Variants in ZNF827 observed in about 807,000 individuals in gnomAD.
The protein encoded by ZNF827 is zinc finger protein 827.
In ZNF827, 13 loss-of-function variants were observed where a neutral mutation model predicts 102.4. The ratio of observed to expected loss-of-function variants is 0.13; its 90% confidence interval spans 0.08 to 0.20. The LOEUF (loss-of-function observed/expected upper bound fraction) is 0.20, where lower values mean the gene tolerates loss of function less well. Ranked by LOEUF, ZNF827 falls within the 10% of genes least tolerant of loss-of-function variation. The pLI is 1.00. For synonymous variants in ZNF827, 523 were observed against 536.2 expected (o/e 0.98, Z 0.34); for missense variants, 1,103 against 1,344.4 (o/e 0.82, Z 2.81).
chr4:145,918,530 G>A (rs985827455), intron 1 of ZNF827, among the ~76,000 whole-genome samples: 3 of 146,378 alleles, frequency 2.0e-5, no homozygotes, highest in African/African-American at 2.6e-5. Context: ...AAAAAATTCC[G>A]ATATATGGCA....
At chr4:145,800,422 C>T (rs1446020060) in intron 8 of ZNF827, among the ~76,000 whole-genome samples, 1 of 151,272 alleles carries the variant, frequency 6.6e-6, no homozygotes, top group Non-Finnish European at 1.5e-5. Context: ...GGCATGATCT[C>T]GGCTCACTGC....
Position 145,845,883 on chromosome 4 carries a change from C to T in ZNF827, c.2279+73G>A, listed in dbSNP as rs891361257. On this transcript the variant is annotated intron_variant, in intron 7 of 14. Transcript: ENST00000508784. ...CAGTGGGAGAAAGAGGTTTGGGGAG[C>T]AACGTTCAACATGTAGTACGGGCTG... 12 of 1,491,870 alleles carry T rather than the reference C, an allele frequency of 8.0e-6. No individual in the cohort carries two copies. The South Asian group carries it at 1.4e-4, about 17-fold the overall frequency. 92.4% of individuals were successfully genotyped at this position (1,491,870 alleles called of 1,614,324 possible).
rs1327441447 is a variant in ZNF827, at chr4:145,763,270, T to C, written c.3231-148A>G. 3.6e-6 allele frequency: 3 copies of C among 832,026 alleles called. No individual in the cohort carries two copies. In the Admixed American group the frequency reaches 8.0e-5, roughly 22 times the overall value. The allele number at this position is 832,026 out of a possible 1,614,324, so 51.5% of individuals were successfully genotyped here. A position where few individuals can be genotyped will look rare whatever the true frequency, so the allele number is the denominator to read the frequency against. ...GACATTTCTGTGACCCACAGCTCAA[T>C]CTTTCTTTCACTGCTCAGGCAAAGT... On this transcript the variant is annotated intron_variant, in intron 13 of 14. Coordinates refer to ENST00000508784, the MANE Select transcript of ZNF827 (RefSeq NM_001306215.2). This position sits in a 1 kb window ranked among gnomAD's most constrained non-coding sequence, Gnocchi z 4.6.
chr4:145,838,760 C>G (rs62345822), intron 7 of ZNF827, among the ~76,000 whole-genome samples: 5,533 of 152,286 alleles, frequency 0.036, 153 homozygotes, highest in Non-Finnish European at 0.052. Context: ...CAAGGATACA[C>G]ACCACCAACT....
At chr4:145,883,496 C>A (rs1749851277) in intron 4 of ZNF827, among the ~76,000 whole-genome samples, 1 of 152,150 alleles carries the variant, frequency 6.6e-6, no homozygotes, top group Admixed American at 6.5e-5. Context: ...CTGCTGCTTG[C>A]AGTGCTGGCT....
Position 145,761,048 on chromosome 4 carries a change from T to C in ZNF827, c.*568A>G. ...CCGTGGGCTGCCGACAGGGCCACGG[T>C]CTGCAGAGCCTGGGAGGCAGACATA... On this transcript the variant is annotated 3_prime_UTR_variant, in exon 15 of 15. Transcript: ENST00000508784. The surrounding 1 kb of genome is among the most constrained non-coding windows in gnomAD (Gnocchi z 6.8). 7.8e-7 allele frequency: 1 copy of C among 1,288,178 alleles called. No homozygotes were observed. The highest frequency in any genetic ancestry group is 1.2e-5 in the South Asian group (1 of 80,938). The allele number at this position is 1,288,178 out of a possible 1,614,324, so 79.8% of individuals were successfully genotyped here. A position where few individuals can be genotyped will look rare whatever the true frequency, so the allele number is the denominator to read the frequency against.
At chr4:145,782,195 G>A (rs1210485525) in intron 8 of ZNF827, among the ~76,000 whole-genome samples, 1 of 152,162 alleles carries the variant, frequency 6.6e-6, no homozygotes, top group Non-Finnish European at 1.5e-5. Flanking sequence ...TTTTTATTTT[G>A]CACACAGGAA....
chr4:145,871,700 C>G (rs1468655565), intron 4 of ZNF827, among the ~76,000 whole-genome samples: 1 of 152,156 alleles, frequency 6.6e-6, no homozygotes, highest in African/African-American at 2.4e-5. Context: ...CCGAAGCAAA[C>G]ATCTATCACC....
In ZNF827 at chr4:145,902,770, G is replaced by C. The variant is rs200707735; in HGVS notation, c.489C>G (p.Ala163=). 1,044 of 1,613,952 alleles carry C rather than the reference G, an allele frequency of 6.5e-4. 6 individuals are homozygous for C. Among genetic ancestry groups the C allele is most frequent in the Non-Finnish European group, 5.4e-4 (639 of 1,180,026 alleles). Residue 163 remains alanine (A), a synonymous_variant, in exon 2 of 15, where the codon GCC becomes GCG. Coordinates refer to ENST00000508784, the MANE Select transcript of ZNF827 (RefSeq NM_001306215.2). The surrounding 1 kb of genome is among the most constrained non-coding windows in gnomAD (Gnocchi z 4.3). ...TCCTGGCCAGAACACTGAGCTGCTG[G>C]GCGTGGTGGGAAGGCGGGGAAAAGG... ...NLSFSPPSHH[A]QQLSVLARKL...
chr4:145,787,287 A>AC (rs1202217335), intron 8 of ZNF827, among the ~76,000 whole-genome samples: 1 of 152,024 alleles, frequency 6.6e-6, no homozygotes, highest in Non-Finnish European at 1.5e-5. Flanking sequence ...ACATAGTGAC[A>AC]CCCCGTCTCT....
At position 145,902,323 on chromosome 4, in the gene ZNF827, C is replaced by T; in HGVS notation, c.936G>A (p.Glu312=). The T allele has an allele frequency of 6.2e-7, 1 of 1,601,998 alleles. No homozygotes were observed. Among genetic ancestry groups the T allele is most frequent in the Non-Finnish European group, 8.5e-7 (1 of 1,173,898 alleles). Residue 312 remains glutamate (E), a synonymous_variant, in exon 2 of 15, where the codon GAG becomes GAA. Transcript: ENST00000508784. This position sits in a 1 kb window ranked among gnomAD's most constrained non-coding sequence, Gnocchi z 4.3. ...LLAEKSSLLP[E]DPLPPPPSEK... is the part of the protein sequence containing the mutation. Reference sequence around the variant, plus strand: ...CTGAAGGCGGGGGCGGTAGAGGGTCCTCAGGCAGCAGCGATGATTTCTCAG... The same window carrying T: ...CTGAAGGCGGGGGCGGTAGAGGGTCTTCAGGCAGCAGCGATGATTTCTCAG...
chr4:145,850,160 C>T (rs1324189658), intron 5 of ZNF827, among the ~76,000 whole-genome samples: 1 of 152,054 alleles, frequency 6.6e-6, no homozygotes, highest in South Asian at 2.1e-4. Context: ...CAGGCACCTG[C>T]CACAATATTC....
chr4:145,876,043 A>G (rs761822895), intron 4 of ZNF827, among the ~76,000 whole-genome samples: 1 of 152,180 alleles, frequency 6.6e-6, no homozygotes, highest in Non-Finnish European at 1.5e-5. Flanking sequence ...AGCCCTTGTA[A>G]TGCAGTTTCT....
chr4:145,845,890 C>T, intron 7 of ZNF827, 66 bp downstream of exon 7: 1 of 1,544,226 alleles, frequency 6.5e-7, no homozygotes, highest in Non-Finnish European at 9.0e-7. Flanking sequence ...GAGCAACGTT[C>T]AACATGTAGT....
At chr4:145,800,357 CTT>C (rs749609571) in intron 8 of ZNF827, among the ~76,000 whole-genome samples, 7 of 143,374 alleles carry the variant, frequency 4.9e-5, no homozygotes, top group Admixed American at 7.0e-5. Flanking sequence ...ATAGCTGGTC[CTT>C]TTTTTTTTTT....
At chr4:145,889,808 C>T (rs1370936031) in intron 3 of ZNF827, among the ~76,000 whole-genome samples, 2 of 152,108 alleles carry the variant, frequency 1.3e-5, no homozygotes, top group Non-Finnish European at 2.9e-5. Context: ...GAAACCTCGT[C>T]TCTACTAAAA....
Position 145,813,791 on chromosome 4 carries a change from G to A in ZNF827, c.2383+9631C>T, listed in dbSNP as rs147975827. ...AGATAGTCGGACTGCAGGATGGACA[G>A]CAGGGATTTGAGGGGGTGACACTGG... On this transcript the variant is annotated intron_variant, in intron 8 of 14. Transcript: ENST00000508784. Among the ~76,000 whole-genome samples, 1,484 of 152,310 alleles carry A rather than the reference G, an allele frequency of 9.7e-3. 7 individuals carry two copies. The highest frequency in any genetic ancestry group is 0.035 in the South Asian group (170 of 4,824).
intron 5 of ZNF827, among the ~76,000 whole-genome samples, chr4:145,865,366 A>G (rs1457440404): frequency 6.6e-6 from 1 of 152,206 alleles, no homozygotes; most frequent in Non-Finnish European, 1.5e-5. Flanking sequence ...GCTTCAACCT[A>G]AAGCATTCTT....
chr4:145,847,176 A>C (rs1286690023), intron 6 of ZNF827, among the ~76,000 whole-genome samples: 1 of 152,118 alleles, frequency 6.6e-6, no homozygotes, highest in African/African-American at 2.4e-5. Flanking sequence ...AAAAAAAAGA[A>C]AAGTAAAACC....
Sources: allele counts gnomAD v4.1 joint callset (sites outside exome capture counted in the v4.1 genomes callset), GRCh38; gene constraint gnomAD v4.1.1; non-coding constraint Gnocchi (gnomAD v3.1); transcripts MANE v1.5; gene names NCBI Gene and HGNC (gene_info 2026-07-23, HGNC 2026-07-21).